Variants in ZNF891 observed in about 807,000 individuals in gnomAD.
ZNF891 encodes hCG1646157.
For synonymous variants in ZNF891, 199 were observed against 209.0 expected (o/e 0.95, Z 0.41); for missense variants, 589 against 632.7 (o/e 0.93, Z 0.74).
At chr12:133,128,832 G>T (rs1225027865) in intron 1 of ZNF891, among the ~76,000 whole-genome samples, 1 of 145,984 alleles carries the variant, frequency 6.9e-6, no homozygotes. Context: ...CAAAGTAAAA[G>T]AAAAATTTAA....
chr12:133,120,322 T>C lies in ZNF891; in HGVS notation c.1597A>G (p.Ile533Val). ...CTCTCAGTATGAATTCTCTTGTGTA[T>C]AATAAGTGAAGAGCTCTGACTGAAG... Reference protein sequence around the residue: ...KAFSQSSSLIIHKRIHTERET... With the variant: ...KAFSQSSSLIVHKRIHTERET... Residue 533 changes from isoleucine (I) to valine (V), a missense_variant, in exon 2 of 2, where the codon ATA (isoleucine) becomes GTA (valine). Transcript: ENST00000537226. 1.9e-6 allele frequency: 3 copies of C among 1,555,682 alleles called. No homozygotes were observed. Among genetic ancestry groups the C allele is most frequent in the Non-Finnish European group, 2.6e-6 (3 of 1,153,594 alleles).
chr12:133,106,718 C>A lies in ZNF891; in HGVS notation c.*13566G>T. 2 of 1,378,666 alleles carry A rather than the reference C, an allele frequency of 1.5e-6. No individual in the cohort carries two copies. The highest frequency in any genetic ancestry group is 1.9e-6 in the Non-Finnish European group (2 of 1,027,508). 85.4% of individuals were successfully genotyped at this position (1,378,666 alleles called of 1,614,324 possible). A position where few individuals can be genotyped will look rare whatever the true frequency, so the allele number is the denominator to read the frequency against. ...TAAAAAGAAGTATAATGCCTTACTT[C>A]AGAGAACTCTTGGAAAGAAGCCTTA... On this transcript the variant is annotated 3_prime_UTR_variant, in exon 2 of 2. Coordinates refer to ENST00000537226, the MANE Select transcript of ZNF891 (RefSeq NM_001277291.2).
rs1485962416 is a variant in ZNF891 at position 133,105,085 on chromosome 12, A to G, written c.*15199T>C. ...CGCTTTTTTTTTCATTTAGATTATT[A>G]TAAGATGTTCCAGAGGCACTAAGTG... On this transcript the variant is annotated 3_prime_UTR_variant, in exon 2 of 2. Transcript: ENST00000537226. Among the ~76,000 whole-genome samples, 1 of 152,162 alleles carries G rather than the reference A, an allele frequency of 6.6e-6. No individual in the cohort carries two copies. The highest frequency in any genetic ancestry group is 6.5e-5 in the Admixed American group (1 of 15,272).
Position 133,106,483 on chromosome 12 carries a change from A to T in ZNF891, c.*13801T>A. 1 of 1,614,106 alleles carries T rather than the reference A, an allele frequency of 6.2e-7. No individual in the cohort carries two copies. The highest frequency in any genetic ancestry group is 8.5e-7 in the Non-Finnish European group (1 of 1,180,006). On this transcript the variant is annotated 3_prime_UTR_variant, in exon 2 of 2. Transcript: ENST00000537226. ...TCAGCCGGAGCTTTTCCCTCATTCT[A>T]CATCAGAGAACTCATACTGGAGAGA... is the stretch of plus-strand genomic sequence containing the variant.
chr12:133,128,303 A>G (rs1955836254), intron 1 of ZNF891, among the ~76,000 whole-genome samples: 1 of 152,172 alleles, frequency 6.6e-6, no homozygotes. Context: ...CTTGGAGCAC[A>G]AATAAAGAGT....
At position 133,120,752 on chromosome 12, in the gene ZNF891, T is replaced by C. The variant is rs1282051849; in HGVS notation, c.1167A>G (p.Thr389=). The change falls in exon 2 of 2, where the codon ACA becomes ACG. Residue 389 remains threonine, a synonymous_variant. Coordinates refer to ENST00000537226, the MANE Select transcript of ZNF891 (RefSeq NM_001277291.2). ...GAGTTCTCATGTGAGCCTTAAGGGA[T>C]GTTTTTTGACTGAAAGCTTTTCCAC... ...NQCGKAFSQK[T]SLKAHMRTHT... is the part of the protein sequence containing the mutation. The C allele has an allele frequency of 1.3e-6, 2 of 1,564,960 alleles. No individual in the cohort carries two copies.
In ZNF891 at chr12:133,113,114, A is replaced by G. The variant is rs1955695504; in HGVS notation, c.*7170T>C. The G allele has an allele frequency of 1.4e-5, 2 of 148,116 alleles. No individual in the cohort carries two copies. Among genetic ancestry groups the G allele is most frequent in the African/African-American group, 4.9e-5 (2 of 40,924 alleles). The allele number at this position is 148,116 out of a possible 1,614,324, so 9.2% of individuals were successfully genotyped here. A position where few individuals can be genotyped will look rare whatever the true frequency, so the allele number is the denominator to read the frequency against. On this transcript the variant is annotated 3_prime_UTR_variant, in exon 2 of 2. Coordinates refer to ENST00000537226, the MANE Select transcript of ZNF891 (RefSeq NM_001277291.2). ...TTTATTAAAAATATATTTATAAAAT[A>G]TAAAAAAATATATTTTTCAATTTTT...
chr12:133,106,847 T>G lies in ZNF891; in HGVS notation c.*13437A>C, dbSNP rs1955618845. The G allele has an allele frequency of 6.6e-6, 3 of 454,366 alleles. No individual in the cohort carries two copies. In the South Asian group the frequency reaches 1.4e-4, roughly 22 times the overall value. 28.1% of individuals were successfully genotyped at this position (454,366 alleles called of 1,614,324 possible). A position where few individuals can be genotyped will look rare whatever the true frequency, so the allele number is the denominator to read the frequency against. On this transcript the variant is annotated 3_prime_UTR_variant, in exon 2 of 2. Coordinates refer to ENST00000537226, the MANE Select transcript of ZNF891 (RefSeq NM_001277291.2). ...GGAAAAGCCATTAATAACCACTCTTTTATTTTTTTGCAATAACAAGGTGAA... is the reference window on the plus strand; with the variant it reads ...GGAAAAGCCATTAATAACCACTCTTGTATTTTTTTGCAATAACAAGGTGAA...
rs1326898638 is a variant in ZNF891, at chr12:133,109,776, A to G, written c.*10508T>C. ...GAAATAAATAACACTGGAGGGGTAA[A>G]TATGTTGATAAATACAAGTCAGGTG... On this transcript the variant is annotated 3_prime_UTR_variant, in exon 2 of 2. Coordinates refer to ENST00000537226, the MANE Select transcript of ZNF891 (RefSeq NM_001277291.2). The G allele has an allele frequency of 6.6e-6, 1 of 152,248 alleles. No individual in the cohort carries two copies. The highest frequency in any genetic ancestry group is 1.5e-5 in the Non-Finnish European group (1 of 68,042). The allele number at this position is 152,248 out of a possible 1,614,324, so 9.4% of individuals were successfully genotyped here.
chr12:133,115,819 C>T lies in ZNF891; in HGVS notation c.*4465G>A, dbSNP rs1321011206. 6.6e-6 allele frequency: 1 copy of T among 152,116 alleles called. No individual in the cohort carries two copies. The allele number at this position is 152,116 out of a possible 1,614,324, so 9.4% of individuals were successfully genotyped here. A position where few individuals can be genotyped will look rare whatever the true frequency, so the allele number is the denominator to read the frequency against. On this transcript the variant is annotated 3_prime_UTR_variant, in exon 2 of 2. Coordinates refer to ENST00000537226, the MANE Select transcript of ZNF891 (RefSeq NM_001277291.2). ...TTATTCAAAACACTTGGGACCAGAACTGTTTTGGATTTTGGAATATTTGCA... is the reference window on the plus strand; with the variant it reads ...TTATTCAAAACACTTGGGACCAGAATTGTTTTGGATTTTGGAATATTTGCA...
rs1398799795 is a variant in ZNF891 at position 133,113,498 on chromosome 12, A to G, written c.*6786T>C. 1.3e-5 allele frequency: 2 copies of G among 152,188 alleles called. No individual in the cohort carries two copies. The highest frequency in any genetic ancestry group is 4.8e-5 in the African/African-American group (2 of 41,462). The allele number at this position is 152,188 out of a possible 1,614,324, so 9.4% of individuals were successfully genotyped here. A position where few individuals can be genotyped will look rare whatever the true frequency, so the allele number is the denominator to read the frequency against. The stretch of plus-strand genomic sequence containing the variant: ...AATATATCTCCACATGTCAATCCAC[A>G]CAAATACATTTTAATGACTGCATTA... On this transcript the variant is annotated 3_prime_UTR_variant, in exon 2 of 2. Coordinates refer to ENST00000537226, the MANE Select transcript of ZNF891 (RefSeq NM_001277291.2).
At chr12:133,125,172 T>C (rs1482083166) in intron 1 of ZNF891, among the ~76,000 whole-genome samples, 1 of 143,138 alleles carries the variant, frequency 7.0e-6, no homozygotes, top group Non-Finnish European at 1.6e-5. Flanking sequence ...ATACATTAGT[T>C]ACTTATTTTT....
At position 133,105,740 on chromosome 12, in the gene ZNF891, A is replaced by T. The variant is rs1593810780; in HGVS notation, c.*14544T>A. On this transcript the variant is annotated 3_prime_UTR_variant, in exon 2 of 2. Transcript: ENST00000537226. Reference sequence around the variant, plus strand: ...AGCCCTGGCTCAACATATGAATATCAGTACTGTGGAGAGGCCCTATGGATG... The same window carrying T: ...AGCCCTGGCTCAACATATGAATATCTGTACTGTGGAGAGGCCCTATGGATG... 6.2e-7 allele frequency: 1 copy of T among 1,614,206 alleles called. No individual in the cohort carries two copies. The highest frequency in any genetic ancestry group is 8.5e-7 in the Non-Finnish European group (1 of 1,180,028).
rs999319627 is a variant in ZNF891, at chr12:133,130,242, GCCT to G, written c.-125_-123del. On this transcript the variant is annotated 5_prime_UTR_variant, in exon 1 of 2. Coordinates refer to ENST00000537226, the MANE Select transcript of ZNF891 (RefSeq NM_001277291.2). ...GCATGCTCACCCGTCCTCAGTGCCT[GCCT>G]CCAGGCGTCCGCGGTCCCGCCCGAG... The G allele has an allele frequency of 2.0e-5, 3 of 152,470 alleles. No individual in the cohort carries two copies. Among genetic ancestry groups the G allele is most frequent in the Admixed American group, 2.0e-4 (3 of 15,296 alleles). The allele number at this position is 152,470 out of a possible 1,614,324, so 9.4% of individuals were successfully genotyped here.
rs1400110218 is a variant in ZNF891 at position 133,115,708 on chromosome 12, T to A, written c.*4576A>T. On this transcript the variant is annotated 3_prime_UTR_variant, in exon 2 of 2. Coordinates refer to ENST00000537226, the MANE Select transcript of ZNF891 (RefSeq NM_001277291.2). ...TATGATTCAAGTCAGAGAAACCAGT[T>A]AGGAGGCTATTGCAATAAAATCCAG... is the stretch of plus-strand genomic sequence containing the variant. 6.6e-6 allele frequency: 1 copy of A among 152,132 alleles called. No homozygotes were observed. The highest frequency in any genetic ancestry group is 1.5e-5 in the Non-Finnish European group (1 of 68,034). The allele number at this position is 152,132 out of a possible 1,614,324, so 9.4% of individuals were successfully genotyped here.
At chr12:133,122,861 T>A (rs7967315) in intron 1 of ZNF891, among the ~76,000 whole-genome samples, 9,998 of 152,286 alleles carry the variant, frequency 0.066, 512 homozygotes, top group African/African-American at 0.14. Flanking sequence ...GGAAGAACCA[T>A]GAACTGCATT....
rs1385265086 is a variant in ZNF891, at chr12:133,113,435, A to G, written c.*6849T>C. On this transcript the variant is annotated 3_prime_UTR_variant, in exon 2 of 2. Transcript: ENST00000537226. ...TTTATAACATGCATTAAAAAGTCAT[A>G]CCATATTTTGTGACTGTTTAAAATT... The G allele has an allele frequency of 6.6e-6, 1 of 152,156 alleles. No homozygotes were observed. The highest frequency in any genetic ancestry group is 1.5e-5 in the Non-Finnish European group (1 of 68,014). The allele number at this position is 152,156 out of a possible 1,614,324, so 9.4% of individuals were successfully genotyped here. A position where few individuals can be genotyped will look rare whatever the true frequency, so the allele number is the denominator to read the frequency against.
chr12:133,106,601 G>A lies in ZNF891; in HGVS notation c.*13683C>T. 3 of 1,607,538 alleles carry A rather than the reference G, an allele frequency of 1.9e-6. No homozygotes were observed. Among genetic ancestry groups the A allele is most frequent in the Non-Finnish European group, 2.5e-6 (3 of 1,178,256 alleles). ...GACACACACTCTTGACAACCCCTAT[G>A]AATATGAAAATTCATTTAATTACCA... is the stretch of plus-strand genomic sequence containing the variant. On this transcript the variant is annotated 3_prime_UTR_variant, in exon 2 of 2. Coordinates refer to ENST00000537226, the MANE Select transcript of ZNF891 (RefSeq NM_001277291.2).
In ZNF891 at chr12:133,106,399, A is replaced by G. The variant is rs780929807; in HGVS notation, c.*13885T>C. ...TCACTTGGCATGCATCCCTTATTCA[A>G]CATACGAAGAGTCACACTGGAGAGA... On this transcript the variant is annotated 3_prime_UTR_variant, in exon 2 of 2. Coordinates refer to ENST00000537226, the MANE Select transcript of ZNF891 (RefSeq NM_001277291.2). 34 of 1,614,076 alleles carry G rather than the reference A, an allele frequency of 2.1e-5. No homozygotes were observed. In the East Asian group the frequency reaches 2.7e-4, roughly 13 times the overall value.
Sources: gnomAD v4.1 joint callset for allele counts (sites outside exome capture counted in the v4.1 genomes callset) on GRCh38, gnomAD v4.1.1 for gene constraint, MANE v1.5 for transcripts, NCBI Gene and HGNC (gene_info 2026-07-23, HGNC 2026-07-21) for gene names.